The following PCDHGA2 variants were observed in gnomAD, a reference collection of about 807,000 sequenced individuals.
PCDHGA2 encodes protocadherin gamma subfamily A, 2.
In PCDHGA2, 40 loss-of-function variants were observed where a neutral mutation model predicts 59.2. The ratio of observed to expected loss-of-function variants is 0.68; its 90% CI spans 0.52 to 0.88. The LOEUF (loss-of-function observed/expected upper bound fraction) is 0.88. Ranked by LOEUF, PCDHGA2 falls within the 40% of genes least tolerant of loss-of-function variation. The pLI is 0.00. For missense variants in PCDHGA2, 1,226 were observed against 1,204.0 expected (o/e 1.02, Z -0.27); for synonymous variants, 560 against 526.0 (o/e 1.06, Z -0.89).
chr5:141,366,619 G>C, intron 1 of PCDHGA2: 1 of 1,614,222 alleles, frequency 6.2e-7, no homozygotes, highest in Non-Finnish European at 8.5e-7. Flanking sequence ...CCGCGGACTC[G>C]AGGAAGAGTC....
chr5:141,433,122 G>C (rs1442464320), intron 1 of PCDHGA2: 1 of 1,614,134 alleles, frequency 6.2e-7, no homozygotes, highest in Admixed American at 1.7e-5. Flanking sequence ...TTTGAAAAAA[G>C]CGAGCCCCTT....
intron 1 of PCDHGA2, chr5:141,416,864 G>C (rs2096066198): frequency 6.6e-6 from 1 of 151,862 alleles, no homozygotes; most frequent in Admixed American, 6.6e-5. Flanking sequence ...TTTCAGGTCA[G>C]TCAACATTTG....
chr5:141,426,238 T>C, intron 1 of PCDHGA2: 1 of 158,644 alleles, frequency 6.3e-6, no homozygotes, highest in Admixed American at 5.9e-5. Context: ...AAGCACTTTG[T>C]GAAACATTTT....
chr5:141,405,638 CT>C lies in PCDHGA2; in HGVS notation c.2424+64244del. ...TACAGGCACGTGCCACCACGCCCGG[CT>C]AATTTTTTGTGTGTTTTTAGTAGAG... is the stretch of plus-strand genomic sequence containing the variant. On this transcript the variant is annotated intron_variant, in intron 1 of 3. Coordinates refer to ENST00000394576, the MANE Select transcript of PCDHGA2 (RefSeq NM_018915.4). 3 of 528,680 alleles carry C rather than the reference CT, an allele frequency of 5.7e-6. No individual in the cohort carries two copies. The East Asian group carries it at 9.4e-5, about 17-fold the overall frequency. 32.7% of individuals were successfully genotyped at this position (528,680 alleles called of 1,614,324 possible).
rs1477359818 is a variant in PCDHGA2, at chr5:141,397,350, G to A, written c.2424+55955G>A. 3.9e-5 allele frequency among the ~76,000 whole-genome samples: 6 copies of A among 152,268 alleles called. No individual in the cohort carries two copies. In the East Asian group the frequency reaches 9.6e-4, roughly 24 times the overall value. On this transcript the variant is annotated intron_variant, in intron 1 of 3. Coordinates refer to ENST00000394576, the MANE Select transcript of PCDHGA2 (RefSeq NM_018915.4). ...TATTTTTATAAAGAATGTTAATATA[G>A]TCAGGAAGAGGAGATGTTTGGGGAT... is the stretch of plus-strand genomic sequence containing the variant.
intron 1 of PCDHGA2, chr5:141,423,278 A>C: frequency 1.2e-6 from 2 of 1,613,940 alleles, no homozygotes; most frequent in Non-Finnish European, 1.7e-6. Flanking sequence ...TCTCTGGCTA[A>C]CTCTGAAACC....
rs1186240180 is a variant in PCDHGA2, at chr5:141,432,270, A to T, written c.2425-62537A>T. On this transcript the variant is annotated intron_variant, in intron 1 of 3. Transcript: ENST00000394576. The surrounding 1 kb of genome is among the most constrained non-coding windows in gnomAD (Gnocchi z 6.0). ...ATCCAAGGGGCAAGCCTATCGTCCT[A>T]CGTGTCCATCAACTCCGACACTGGG... 1 of 1,614,024 alleles carries T rather than the reference A, an allele frequency of 6.2e-7. No homozygotes were observed. The highest frequency in any genetic ancestry group is 8.5e-7 in the Non-Finnish European group (1 of 1,180,028).
chr5:141,456,103 T>C lies in PCDHGA2; in HGVS notation c.2425-38704T>C, dbSNP rs185224428. Among the ~76,000 whole-genome samples the C allele has an allele frequency of 2.6e-3, 390 of 152,142 alleles. 3 individuals are homozygous for C. The highest frequency in any genetic ancestry group is 6.7e-3 in the Admixed American group (103 of 15,290). On this transcript the variant is annotated intron_variant, in intron 1 of 3. Coordinates refer to ENST00000394576, the MANE Select transcript of PCDHGA2 (RefSeq NM_018915.4). The stretch of plus-strand genomic sequence containing the variant: ...CAGTAGAGACGGGATTTCACCGTGT[T>C]AGCCAGGATGGTCTCCATCTCCTGA...
chr5:141,434,178 G>C (rs960680568), intron 1 of PCDHGA2, among the ~76,000 whole-genome samples: 1 of 152,178 alleles, frequency 6.6e-6, no homozygotes, highest in African/African-American at 2.4e-5. Flanking sequence ...TTATATCCAA[G>C]ATTTGTAATT....
chr5:141,491,845 G>A lies in PCDHGA2; in HGVS notation c.2425-2962G>A. 6.8e-7 allele frequency: 1 copy of A among 1,463,944 alleles called. No homozygotes were observed. The highest frequency in any genetic ancestry group is 9.0e-7 in the Non-Finnish European group (1 of 1,106,126). 90.7% of individuals were successfully genotyped at this position (1,463,944 alleles called of 1,614,324 possible). ...CTCCACCCGATTCTCGGGATCATTGGACCGTTTGCGCGAAACCAGAGTGGC... is the reference window on the plus strand; with the variant it reads ...CTCCACCCGATTCTCGGGATCATTGAACCGTTTGCGCGAAACCAGAGTGGC... On this transcript the variant is annotated intron_variant, in intron 1 of 3. Coordinates refer to ENST00000394576, the MANE Select transcript of PCDHGA2 (RefSeq NM_018915.4). This position sits in a 1 kb window ranked among gnomAD's most constrained non-coding sequence, Gnocchi z 6.9.
intron 1 of PCDHGA2, chr5:141,421,708 C>T (rs2096594348): frequency 1.9e-6 from 3 of 1,613,780 alleles, no homozygotes; most frequent in South Asian, 2.2e-5. Flanking sequence ...TGCTAGGGAT[C>T]CAGATGTGGG....
intron 1 of PCDHGA2, chr5:141,419,425 C>A (rs3749766): frequency 2.5e-6 from 4 of 1,613,316 alleles, no homozygotes; most frequent in Non-Finnish European, 3.4e-6. Context: ...CCTTCGACCA[C>A]GAGCAGCTGC....
In PCDHGA2 at chr5:141,339,697, T is replaced by C. The variant is rs1756865095; in HGVS notation, c.726T>C (p.Phe242=). 5 of 1,614,128 alleles carry C rather than the reference T, an allele frequency of 3.1e-6. No individual in the cohort carries two copies. Among genetic ancestry groups the C allele is most frequent in the Non-Finnish European group, 4.2e-6 (5 of 1,180,020 alleles). Residue 242 remains phenylalanine, a synonymous_variant, in exon 1 of 4, where the codon TTT becomes TTC. Coordinates refer to ENST00000394576, the MANE Select transcript of PCDHGA2 (RefSeq NM_018915.4). ...ATGCGAACGACAATGCGCCTGTTTT[T>C]ACACAGCCCGAGTACCGCATAAGCA... ...VLDANDNAPV[F]TQPEYRISIP... is the part of the protein sequence containing the mutation.
At chr5:141,459,910 A>G (rs2098977946) in intron 1 of PCDHGA2, among the ~76,000 whole-genome samples, 2 of 152,042 alleles carry the variant, frequency 1.3e-5, no homozygotes, top group Non-Finnish European at 1.5e-5. Context: ...GAGCTATGGG[A>G]GTTTTAAAAT....
intron 1 of PCDHGA2, chr5:141,351,227 C>A: frequency 6.2e-7 from 1 of 1,613,986 alleles, no homozygotes; most frequent in Middle Eastern, 1.6e-4. Context: ...TGGAGGAGTA[C>A]ACACAGCTCA....
chr5:141,410,252 C>A, intron 1 of PCDHGA2: 2 of 1,613,998 alleles, frequency 1.2e-6, no homozygotes. Context: ...ACTCTCTGAC[C>A]CCCAGGCTGA....
rs779191558 is a variant in PCDHGA2 at position 141,491,465 on chromosome 5, A to T, written c.2425-3342A>T. 3.1e-6 allele frequency: 5 copies of T among 1,614,092 alleles called. No homozygotes were observed. Among genetic ancestry groups the T allele is most frequent in the Non-Finnish European group, 4.2e-6 (5 of 1,180,010 alleles). On this transcript the variant is annotated intron_variant, in intron 1 of 3. Transcript: ENST00000394576. The surrounding 1 kb of genome is among the most constrained non-coding windows in gnomAD (Gnocchi z 6.9). ...CAGGACTCACCCTCCCCGGACTTCT[A>T]TAAGCAGTCCAGCCCCAACCTGCAG... is the stretch of plus-strand genomic sequence containing the variant.
intron 1 of PCDHGA2, chr5:141,384,456 C>A (rs145938509): frequency 6.2e-7 from 1 of 1,614,054 alleles, no homozygotes; most frequent in East Asian, 2.2e-5. Flanking sequence ...CGCTGCAATC[C>A]TTTGATTATG....
In PCDHGA2 at chr5:141,491,764, C is replaced by T; in HGVS notation, c.2425-3043C>T. The stretch of plus-strand genomic sequence containing the variant: ...CGGCACTGGAGAAGCCGCCCGTCCT[C>T]ATAAGGGATTGAACTTGCATCCACT... On this transcript the variant is annotated intron_variant, in intron 1 of 3. Transcript: ENST00000394576. The surrounding 1 kb of genome is among the most constrained non-coding windows in gnomAD (Gnocchi z 6.9). The T allele has an allele frequency of 6.4e-7, 1 of 1,570,206 alleles. No homozygotes were observed. Among genetic ancestry groups the T allele is most frequent in the Non-Finnish European group, 8.6e-7 (1 of 1,159,296 alleles).
Sources: gnomAD v4.1 joint callset for allele counts (sites outside exome capture counted in the v4.1 genomes callset) on GRCh38, gnomAD v4.1.1 for gene constraint, Gnocchi (gnomAD v3.1) non-coding constraint, MANE v1.5 for transcripts, NCBI Gene and HGNC (gene_info 2026-07-23, HGNC 2026-07-21) for gene names.